Variants in MSR1 observed in about 807,000 individuals in gnomAD.
MSR1 encodes macrophage scavenger receptor types I and II.
MSR1 carries 53 observed loss-of-function variants against 47.2 expected under a neutral mutation model. The ratio of observed to expected loss-of-function variants is 1.12; its 90% CI spans 0.90 to 1.41. MSR1 has a LOEUF of 1.41. MSR1 is among the 40% of genes most tolerant of loss of function. The pLI, the probability that MSR1 is intolerant of heterozygous loss-of-function variation, is 0.00. For missense variants in MSR1, 786 were observed against 546.9 expected (o/e 1.44, Z -4.36); for synonymous variants, 239 against 185.6 (o/e 1.29, Z -2.34).
intron 1 of MSR1, among the ~76,000 whole-genome samples, chr8:16,188,356 T>A (rs552022807): frequency 6.6e-6 from 1 of 152,238 alleles, no homozygotes; most frequent in African/African-American, 2.4e-5. Flanking sequence ...ACCCTTAATT[T>A]TTTAAATGAA....
intron 1 of MSR1, among the ~76,000 whole-genome samples, chr8:16,187,047 T>A (rs1484424901): frequency 2.0e-5 from 3 of 151,976 alleles, no homozygotes; most frequent in African/African-American, 7.2e-5. Flanking sequence ...AGCCCCTGAA[T>A]GCCTTCTCGT....
chr8:16,144,250 A>T lies in MSR1; in HGVS notation c.980-639T>A, dbSNP rs1013851146. 2.6e-5 allele frequency among the ~76,000 whole-genome samples: 4 copies of T among 151,988 alleles called. No individual in the cohort carries two copies. In the East Asian group the frequency reaches 7.7e-4, roughly 29 times the overall value. ...GCTAGATCTTTTTTTTTGCCAACGGATTGCTACTTCACCCACTGTCCCATT... is the reference window on the plus strand; with the variant it reads ...GCTAGATCTTTTTTTTTGCCAACGGTTTGCTACTTCACCCACTGTCCCATT... On this transcript the variant is annotated intron_variant, in intron 7 of 9. Transcript: ENST00000262101.
At chr8:16,120,303 G>A in intron 9 of MSR1, 115 bp downstream of exon 9, 3 of 1,076,240 alleles carry the variant, frequency 2.8e-6, no homozygotes, top group Middle Eastern at 4.0e-4. Flanking sequence ...CTTGAATCCG[G>A]GAGGCAGAGG....
chr8:16,179,617 C>A (rs961903069), intron 1 of MSR1, among the ~76,000 whole-genome samples: 3 of 151,984 alleles, frequency 2.0e-5, no homozygotes, highest in African/African-American at 7.2e-5. Flanking sequence ...CAGTGGCTCA[C>A]GCCTGTAATC....
Position 16,155,106 on chromosome 8 carries a change from G to A in MSR1, c.856C>T (p.Pro286Ser), listed in dbSNP as rs73665227. Residue 286 changes from proline to serine, a missense_variant, in exon 6 of 10, where the codon CCC becomes TCC. Physicochemically the swap from Pro to Ser is moderately conservative, Grantham distance 74 (BLOSUM62 -1). Transcript: ENST00000262101. Reference sequence around the variant, plus strand: ...CCTCGTGGACCACTTTCTCCAGTGGGACCTCGATCTCCTTTTTCACCCGGG... The same window carrying A: ...CCTCGTGGACCACTTTCTCCAGTGGAACCTCGATCTCCTTTTTCACCCGGG... Reference protein sequence around the residue: ...GPPGEKGDRGPTGESGPRGFP... With the variant: ...GPPGEKGDRGSTGESGPRGFP... The A allele has an allele frequency of 6.3e-5, 102 of 1,612,138 alleles. No individual in the cohort carries two copies. The highest frequency in any genetic ancestry group is 8.2e-5 in the Non-Finnish European group (97 of 1,178,838).
At chr8:16,118,011 T>A (rs1047232350) in intron 9 of MSR1, among the ~76,000 whole-genome samples, 3 of 152,106 alleles carry the variant, frequency 2.0e-5, no homozygotes, top group Admixed American at 1.3e-4. Flanking sequence ...GCCAAAAAGG[T>A]TGGGAACCAC....
At chr8:16,182,873 T>C (rs769486751) in intron 1 of MSR1, among the ~76,000 whole-genome samples, 3 of 152,118 alleles carry the variant, frequency 2.0e-5, no homozygotes, top group Non-Finnish European at 2.9e-5. Flanking sequence ...GGTAAATACA[T>C]AAACCATTAA....
intron 8 of MSR1, among the ~76,000 whole-genome samples, chr8:16,132,261 G>C (rs1800278528): frequency 6.6e-6 from 1 of 151,836 alleles, no homozygotes; most frequent in African/African-American, 2.4e-5. Flanking sequence ...TTGTGAATGG[G>C]GTTGCATTCC....
chr8:16,150,591 A>G (rs1430733449), intron 6 of MSR1, among the ~76,000 whole-genome samples: 1 of 152,128 alleles, frequency 6.6e-6, no homozygotes, highest in Admixed American at 6.6e-5. Flanking sequence ...AGTTTTAACC[A>G]AAAGACTTAT....
chr8:16,132,467 A>G (rs866557751), intron 8 of MSR1, among the ~76,000 whole-genome samples: 5 of 151,766 alleles, frequency 3.3e-5, no homozygotes, highest in South Asian at 2.1e-4. Context: ...TTCTATTTTG[A>G]TACTGTGTAT....
intron 8 of MSR1, among the ~76,000 whole-genome samples, chr8:16,127,552 G>T (rs1199204315): frequency 6.6e-6 from 1 of 152,130 alleles, no homozygotes; most frequent in East Asian, 1.9e-4. Context: ...ACAATAGCTT[G>T]TCAAGGGGAA....
intron 1 of MSR1, among the ~76,000 whole-genome samples, chr8:16,187,608 G>A (rs891173743): frequency 6.6e-6 from 1 of 152,012 alleles, no homozygotes; most frequent in Non-Finnish European, 1.5e-5. Flanking sequence ...GGATCAGAGA[G>A]TTCCTGAAGG....
At chr8:16,146,923 G>C (rs925597968) in intron 7 of MSR1, among the ~76,000 whole-genome samples, 2 of 152,122 alleles carry the variant, frequency 1.3e-5, no homozygotes, top group African/African-American at 4.8e-5. Context: ...GAATCACAGA[G>C]AGAAAATGTT....
At chr8:16,124,519 A>G (rs983942751) in intron 8 of MSR1, among the ~76,000 whole-genome samples, 1 of 152,012 alleles carries the variant, frequency 6.6e-6, no homozygotes, top group African/African-American at 2.4e-5. Flanking sequence ...TTGTCTTTTT[A>G]CTTTATATAT....
intron 8 of MSR1, among the ~76,000 whole-genome samples, chr8:16,129,476 T>C (rs545374331): frequency 2.5e-4 from 38 of 152,236 alleles, no homozygotes; most frequent in Non-Finnish European, 4.9e-4. Flanking sequence ...TTGGGTGCCG[T>C]GGCTTATGTC....
chr8:16,192,359 G>T lies in MSR1; in HGVS notation c.-5+239C>A, dbSNP rs549665255. On this transcript the variant is annotated intron_variant, in intron 1 of 9. Coordinates refer to ENST00000262101, the MANE Select transcript of MSR1 (RefSeq NM_138715.3). ...CATTTAGTGTATTTCATATGTACTT[G>T]TGAACATATATGTTTTTCACTCATG... Among the ~76,000 whole-genome samples, 52 of 152,050 alleles carry T rather than the reference G, an allele frequency of 3.4e-4. 1 individual carries two copies. Among genetic ancestry groups the T allele is most frequent in the Admixed American group, 1.4e-3 (21 of 15,250 alleles).
chr8:16,180,734 A>T (rs1801804720), intron 1 of MSR1, among the ~76,000 whole-genome samples: 1 of 152,166 alleles, frequency 6.6e-6, no homozygotes, highest in Non-Finnish European at 1.5e-5. Flanking sequence ...ACATGCAAGG[A>T]TATGACTCAA....
intron 8 of MSR1, chr8:16,140,097 G>T: frequency 1.0e-6 from 1 of 980,688 alleles, no homozygotes; most frequent in Middle Eastern, 5.2e-4. Flanking sequence ...ATGATTGAAT[G>T]AATGGATTTT....
intron 5 of MSR1, among the ~76,000 whole-genome samples, chr8:16,155,813 T>A (rs1170748650): frequency 6.6e-6 from 1 of 151,886 alleles, no homozygotes; most frequent in Non-Finnish European, 1.5e-5. Context: ...GAGGAATTCT[T>A]TTTTCAAGTA....
Sources: allele counts gnomAD v4.1 joint callset (sites outside exome capture counted in the v4.1 genomes callset), GRCh38; gene constraint gnomAD v4.1.1; transcripts MANE v1.5; gene names NCBI Gene and HGNC (gene_info 2026-07-23, HGNC 2026-07-21).